FRMD6: variants seen among roughly 807,000 people sequenced by gnomAD.
FRMD6 encodes FERM domain containing 6, also known as FERM domain-containing protein 6.
FRMD6 carries 37 observed loss-of-function variants against 73.2 expected under a neutral mutation model. The observed-to-expected ratio is 0.51, with a 90% CI of 0.39 to 0.66. FRMD6 has a LOEUF of 0.66. Ranked by LOEUF, FRMD6 falls within the 30% of genes least tolerant of loss-of-function variation. FRMD6 has a pLI of 0.00. For synonymous variants in FRMD6, 273 were observed against 282.2 expected (o/e 0.97, Z 0.33); for missense variants, 714 against 780.5 (o/e 0.91, Z 1.02).
intron 1 of FRMD6, among the ~76,000 whole-genome samples, chr14:51,511,222 GTTATTTACTT>G (rs1884289236): frequency 6.6e-6 from 1 of 152,174 alleles, no homozygotes; most frequent in Non-Finnish European, 1.5e-5. Flanking sequence ...CTTAACTACA[GTTATTTACTT>G]GTAACCTTGG....
intron 2 of FRMD6, among the ~76,000 whole-genome samples, chr14:51,599,558 C>T (rs1889916272): frequency 6.6e-6 from 1 of 152,100 alleles, no homozygotes; most frequent in South Asian, 2.1e-4. Flanking sequence ...AACAGACAAC[C>T]TATGAAATGG....
At chr14:51,475,874 C>T in the FRMD6 span, among the ~76,000 whole-genome samples, 1 of 152,080 alleles carries the variant, frequency 6.6e-6, no homozygotes, top group Admixed American at 6.5e-5. Flanking sequence ...CAGAGAATGT[C>T]TACTAACGTA....
the FRMD6 span, among the ~76,000 whole-genome samples, chr14:51,470,155 G>A: frequency 2.0e-5 from 3 of 152,080 alleles, no homozygotes; most frequent in South Asian, 6.2e-4. Context: ...AGTGATTTGT[G>A]TTTCTCTTTC....
intron 1 of FRMD6, among the ~76,000 whole-genome samples, chr14:51,664,909 A>T (rs183281028): frequency 3.3e-5 from 5 of 152,346 alleles, no homozygotes; most frequent in Non-Finnish European, 7.3e-5. Flanking sequence ...ATGTGGAATA[A>T]TTTCGCAGTG....
chr14:51,546,595 A>C (rs1473736719), intron 1 of FRMD6: 2 of 151,298 alleles, frequency 1.3e-5, no homozygotes, highest in South Asian at 2.1e-4. Flanking sequence ...AAAAAAAAAA[A>C]AAAAAAAAAA....
At chr14:51,583,799 T>C (rs1266823576) in intron 2 of FRMD6, among the ~76,000 whole-genome samples, 1 of 152,198 alleles carries the variant, frequency 6.6e-6, no homozygotes, top group Non-Finnish European at 1.5e-5. Context: ...AGTGGACAAC[T>C]TGGTTCTGGT....
At chr14:51,712,429 T>C (rs1896995972) in intron 8 of FRMD6, 54 bp from the exon 9 acceptor site, 3 of 1,105,972 alleles carry the variant, frequency 2.7e-6, no homozygotes. Context: ...TTAGAGCCAT[T>C]TTACAGTATC....
At chr14:51,558,114 T>TA (rs546619300) in intron 1 of FRMD6, among the ~76,000 whole-genome samples, 2 of 152,188 alleles carry the variant, frequency 1.3e-5, no homozygotes, top group South Asian at 2.1e-4. Context: ...TTGAATTCCT[T>TA]AAAAAAATGT....
At chr14:51,581,634 T>G (rs1390891328) in intron 2 of FRMD6, among the ~76,000 whole-genome samples, 1 of 152,214 alleles carries the variant, frequency 6.6e-6, no homozygotes, top group African/African-American at 2.4e-5. Context: ...TTATCTATCC[T>G]TGGTTCATTT....
intron 1 of FRMD6, among the ~76,000 whole-genome samples, chr14:51,552,945 T>A (rs1027882816): frequency 6.6e-6 from 1 of 152,246 alleles, no homozygotes; most frequent in East Asian, 1.9e-4. Context: ...CGTAAGTGGA[T>A]GCAAGAAGTC....
chr14:51,628,691 C>G (rs1220233436), intron 2 of FRMD6, among the ~76,000 whole-genome samples: 1 of 146,366 alleles, frequency 6.8e-6, no homozygotes, highest in Non-Finnish European at 1.5e-5. Flanking sequence ...CATGCCCATG[C>G]TCGGGTGGCT....
intron 1 of FRMD6, among the ~76,000 whole-genome samples, chr14:51,502,891 C>T (rs187549819): frequency 3.3e-5 from 5 of 152,226 alleles, no homozygotes; most frequent in Admixed American, 6.5e-5. Flanking sequence ...GGTTTTAGTT[C>T]TCCTTGAAGA....
the FRMD6 span, among the ~76,000 whole-genome samples, chr14:51,429,007 G>GTGGGAGAGAGAGGA: frequency 6.8e-6 from 1 of 146,954 alleles, no homozygotes; most frequent in South Asian, 2.2e-4. Flanking sequence ...GAGAGAGAGG[G>GTGGGAGAGAGAGGA]GAGAGAGAGG....
At chr14:51,678,895 A>G (rs1049009512) in intron 1 of FRMD6, among the ~76,000 whole-genome samples, 6 of 152,170 alleles carry the variant, frequency 3.9e-5, no homozygotes, top group Non-Finnish European at 7.4e-5. Context: ...AGGGAACAGC[A>G]TGGTCAAAAG....
chr14:51,447,954 C>G, the FRMD6 span, among the ~76,000 whole-genome samples: 2 of 152,288 alleles, frequency 1.3e-5, no homozygotes, highest in African/African-American at 4.8e-5. Context: ...AGATACTACT[C>G]CCCTGTCTTT....
At position 51,689,737 on chromosome 14, in the gene FRMD6, C is replaced by T. The variant is rs538317047; in HGVS notation, c.-100C>T. On this transcript the variant is annotated 5_prime_UTR_variant, in exon 2 of 14. Transcript: ENST00000344768. Reference sequence around the variant, plus strand: ...ACACCGTGATGCTTCTCCTGCAGGGCGTGTGATGAGGAGGCGAGCTTGGCT... The same window carrying T: ...ACACCGTGATGCTTCTCCTGCAGGGTGTGTGATGAGGAGGCGAGCTTGGCT... The T allele has an allele frequency of 9.9e-5, 75 of 754,130 alleles. No homozygotes were observed. Among genetic ancestry groups the T allele is most frequent in the African/African-American group, 8.2e-4 (48 of 58,450 alleles). 46.7% of individuals were successfully genotyped at this position (754,130 alleles called of 1,614,324 possible).
chr14:51,538,756 G>GT (rs1384967725), intron 1 of FRMD6, among the ~76,000 whole-genome samples: 1 of 152,016 alleles, frequency 6.6e-6, no homozygotes, highest in Non-Finnish European at 1.5e-5. Flanking sequence ...ATTGATCTGC[G>GT]TGTCTATCTT....
At chr14:51,569,716 A>G (rs1366780240) in intron 1 of FRMD6, among the ~76,000 whole-genome samples, 3 of 150,674 alleles carry the variant, frequency 2.0e-5, no homozygotes, top group East Asian at 2.0e-4. Context: ...TGCCCAGGCT[A>G]CTCTCAAACT....
intron 13 of FRMD6, among the ~76,000 whole-genome samples, chr14:51,727,445 A>T (rs1331353234): frequency 6.6e-6 from 1 of 152,170 alleles, no homozygotes; most frequent in African/African-American, 2.4e-5. Flanking sequence ...TAAAATGAGG[A>T]GAATGATAGT....
Sources: gnomAD v4.1 joint callset for allele counts (sites outside exome capture counted in the v4.1 genomes callset) on GRCh38, gnomAD v4.1.1 for gene constraint, MANE v1.5 for transcripts, NCBI Gene and HGNC (gene_info 2026-07-23, HGNC 2026-07-21) for gene names.